Variants in JCAD observed in about 807,000 individuals in gnomAD.
JCAD encodes junctional cadherin 5 associated, also known as junctional cadherin 5-associated protein.
JCAD carries 40 observed loss-of-function variants against 98.0 expected under a neutral mutation model. The observed-to-expected ratio is 0.41, with a 90% confidence interval of 0.32 to 0.53. JCAD has a LOEUF of 0.53. Among genes scored for constraint, JCAD ranks in the 20% least tolerant of loss-of-function variants. The pLI is 0.31. For synonymous variants in JCAD, 691 were observed against 682.3 expected, an observed-to-expected ratio of 1.01 and a Z score of -0.20; for missense variants, 1,705 against 1,738.1, an observed-to-expected ratio of 0.98 and a Z score of 0.34.
chr10:30,018,021 T>G (rs1176913817), intron 3 of JCAD, 104 bp from the exon 4 acceptor site: 1 of 795,582 alleles, frequency 1.3e-6, no homozygotes, highest in Non-Finnish European at 2.0e-6. Context: ...AATCTACAAG[T>G]GTATAAAGGT....
rs1836520885 is a variant in JCAD, at chr10:30,015,862, A to C, written c.*2021T>G. ...TTTGCATTTAAAGAGGGAAGACCCCACAAAGACCTCCAGGCGCCTCAGCCC... is the reference window on the plus strand; with the variant it reads ...TTTGCATTTAAAGAGGGAAGACCCCCCAAAGACCTCCAGGCGCCTCAGCCC... On this transcript the variant is annotated 3_prime_UTR_variant, in exon 4 of 4. Coordinates refer to ENST00000375377, the MANE Select transcript of JCAD (RefSeq NM_020848.4). 1 of 152,202 alleles carries C rather than the reference A, an allele frequency of 6.6e-6. No individual in the cohort carries two copies. The highest frequency in any genetic ancestry group is 1.5e-5 in the Non-Finnish European group (1 of 68,040). The allele number at this position is 152,202 out of a possible 1,614,324, so 9.4% of individuals were successfully genotyped here. A position where few individuals can be genotyped will look rare whatever the true frequency, so the allele number is the denominator to read the frequency against.
chr10:30,024,991 G>A (rs1003900518), intron 3 of JCAD, among the ~76,000 whole-genome samples: 2 of 151,446 alleles, frequency 1.3e-5, no homozygotes, highest in African/African-American at 2.4e-5. Flanking sequence ...CACAGCACCC[G>A]GCCCTACATT....
chr10:30,079,517 T>G (rs1368803826), intron 1 of JCAD, among the ~76,000 whole-genome samples: 1 of 152,116 alleles, frequency 6.6e-6, no homozygotes, highest in African/African-American at 2.4e-5. Context: ...ATCTGATAGG[T>G]CTACTCAATC....
intron 2 of JCAD, among the ~76,000 whole-genome samples, chr10:30,034,560 C>T (rs943993294): frequency 2.0e-5 from 3 of 152,114 alleles, no homozygotes; most frequent in African/African-American, 4.8e-5. Flanking sequence ...AGGTTCGACA[C>T]AGATTAGTCA....
intron 1 of JCAD, among the ~76,000 whole-genome samples, chr10:30,096,424 T>G (rs1838369666): frequency 6.6e-6 from 1 of 152,188 alleles, no homozygotes; most frequent in Non-Finnish European, 1.5e-5. Context: ...GTTATTATTA[T>G]GGAAATCTCT....
intron 1 of JCAD, among the ~76,000 whole-genome samples, chr10:30,092,053 AAAAAAAAAAAAATAT>A (rs1188887782): frequency 7.3e-5 from 2 of 27,542 alleles, no homozygotes; most frequent in Non-Finnish European, 1.3e-4. Flanking sequence ...AAAAAAAAAA[AAAAAAAAAAAAATAT>A]ATATATATAT....
At chr10:30,019,666 A>C (rs57021690) in intron 3 of JCAD, among the ~76,000 whole-genome samples, 4,056 of 152,260 alleles carry the variant, frequency 0.027, 190 homozygotes, top group African/African-American at 0.093. Flanking sequence ...CTAAGCTATA[A>C]GATGAGTAAG....
At chr10:30,024,856 C>T (rs141178547) in intron 3 of JCAD, among the ~76,000 whole-genome samples, 3 of 152,056 alleles carry the variant, frequency 2.0e-5, no homozygotes, top group South Asian at 2.1e-4. Flanking sequence ...CCGCCACGCC[C>T]AGCTAATTTT....
chr10:30,056,797 C>A (rs943074672), intron 1 of JCAD, among the ~76,000 whole-genome samples: 10 of 152,132 alleles, frequency 6.6e-5, no homozygotes, highest in Non-Finnish European at 1.3e-4. Flanking sequence ...CAATTCAAAT[C>A]AAGATAATTG....
intron 1 of JCAD, among the ~76,000 whole-genome samples, chr10:30,079,244 G>A (rs887732063): frequency 2.2e-4 from 34 of 151,862 alleles, no homozygotes; most frequent in African/African-American, 8.2e-4. Flanking sequence ...CTACTCGGGA[G>A]GCTGAGGCAA....
chr10:30,028,598 C>T lies in JCAD; in HGVS notation c.1550G>A (p.Arg517Lys). 1 of 1,613,618 alleles carries T rather than the reference C, an allele frequency of 6.2e-7. No homozygotes were observed. The highest frequency in any genetic ancestry group is 8.5e-7 in the Non-Finnish European group (1 of 1,179,716). Reference sequence around the variant, plus strand: ...CTGTCCCCTTGCCACACAGCGGTCTCTCTGGTTGGGGAGGCCACTGTTTTC... The same window carrying T: ...CTGTCCCCTTGCCACACAGCGGTCTTTCTGGTTGGGGAGGCCACTGTTTTC... ...DGENSGLPNQ[R>K]DRCVARGQWP... Residue 517 changes from arginine to lysine, a missense_variant, in exon 3 of 4, where the codon AGA becomes AAA. Physicochemically the swap from Arg to Lys is conservative, Grantham distance 26. Transcript: ENST00000375377.
At chr10:30,064,149 G>T (rs577255078), upstream of JCAD, among the ~76,000 whole-genome samples, 1 of 152,242 alleles carries the variant, frequency 6.6e-6, no homozygotes, top group Non-Finnish European at 1.5e-5. Flanking sequence ...TGAAGGTTCT[G>T]CCCTCATGAA....
At chr10:30,084,781 G>GTACC (rs369980001) in intron 1 of JCAD, among the ~76,000 whole-genome samples, 1 of 146,760 alleles carries the variant, frequency 6.8e-6, no homozygotes, top group East Asian at 2.0e-4. Context: ...AATCAAATCT[G>GTACC]TATCTATCTA....
chr10:30,103,690 T>C (rs1188527212), intron 1 of JCAD, among the ~76,000 whole-genome samples: 3 of 151,608 alleles, frequency 2.0e-5, no homozygotes, highest in Admixed American at 1.3e-4. Flanking sequence ...CTATTGCTAC[T>C]ATAATAACCT....
At chr10:30,095,249 C>T (rs1370187694) in intron 1 of JCAD, among the ~76,000 whole-genome samples, 2 of 152,186 alleles carry the variant, frequency 1.3e-5, no homozygotes, top group East Asian at 1.9e-4. Flanking sequence ...CGTCTCTTAA[C>T]GTTATTTTCT....
Position 30,029,175 on chromosome 10 carries a change from TG to T in JCAD, c.972del (p.Arg325GlyfsTer40). ...GGGTCTGACAGGCAGAGCTCATGCC[TG>T]GGGACATAGGCGTCCATCTGCTGGC... ...QDSQQMDAYV[P>X]RHELCLSDPG... On this transcript the variant is annotated frameshift_variant, in exon 3 of 4. Transcript: ENST00000375377. LOFTEE classifies it high-confidence loss of function. The T allele has an allele frequency of 6.2e-7, 1 of 1,614,146 alleles. No homozygotes were observed. The highest frequency in any genetic ancestry group is 8.5e-7 in the Non-Finnish European group (1 of 1,180,026).
chr10:30,093,465 G>C (rs955253102), intron 1 of JCAD, among the ~76,000 whole-genome samples: 2 of 152,214 alleles, frequency 1.3e-5, no homozygotes, highest in African/African-American at 2.4e-5. Flanking sequence ...GGAGAGGTAC[G>C]AGACAGACAT....
chr10:30,115,481 T>C (rs1838775680), exon 1 of JCAD: 1 of 152,216 alleles, frequency 6.6e-6, no homozygotes, highest in African/African-American at 2.4e-5. Flanking sequence ...ATAGCAGCTC[T>C]AAGTTTGAGC....
intron 2 of JCAD, among the ~76,000 whole-genome samples, chr10:30,031,400 G>A (rs953515807): frequency 2.6e-5 from 4 of 151,064 alleles, no homozygotes; most frequent in Non-Finnish European, 4.4e-5. Context: ...TCATGTGTTG[G>A]GATTACAGAC....
Sources: gnomAD v4.1 joint callset for allele counts (sites outside exome capture counted in the v4.1 genomes callset) on GRCh38, gnomAD v4.1.1 for gene constraint, MANE v1.5 for transcripts, NCBI Gene and HGNC (gene_info 2026-07-23, HGNC 2026-07-21) for gene names.